EPHB1: variants seen among roughly 807,000 people sequenced by gnomAD.
EPHB1 encodes the protein ephrin type-B receptor 1.
A neutral mutation model predicts 94.4 loss-of-function variants in EPHB1; 30 were observed. The observed-to-expected ratio is 0.32, with a 90% confidence interval of 0.24 to 0.43. The LOEUF (loss-of-function observed/expected upper bound fraction) is 0.43. Among genes scored for constraint, EPHB1 ranks in the 20% least tolerant of loss-of-function variants. The pLI is 1.00. For synonymous variants in EPHB1, 522 were observed against 489.1 expected (o/e 1.07, Z -0.89); for missense variants, 1,055 against 1,308.3 (o/e 0.81, Z 2.99).
At chr3:134,827,845 G>A (rs916737870) in intron 1 of EPHB1, among the ~76,000 whole-genome samples, 1 of 152,118 alleles carries the variant, frequency 6.6e-6, no homozygotes, top group African/African-American at 2.4e-5. Context: ...GGCAGAAACC[G>A]ACCTGCAAAG....
chr3:134,901,324 A>G (rs979673926), intron 1 of EPHB1, among the ~76,000 whole-genome samples: 9 of 152,174 alleles, frequency 5.9e-5, no homozygotes, highest in African/African-American at 2.2e-4. Flanking sequence ...TTGTCTCTTA[A>G]AAGACTCCTT....
intron 3 of EPHB1, chr3:135,067,709 T>C (rs1480651664): frequency 6.6e-6 from 1 of 152,322 alleles, no homozygotes; most frequent in Non-Finnish European, 1.5e-5. Flanking sequence ...AGGAGGCTTC[T>C]GAACAAGTTC....
intron 1 of EPHB1, among the ~76,000 whole-genome samples, chr3:134,832,139 T>G (rs1195060243): frequency 6.6e-6 from 1 of 152,258 alleles, no homozygotes; most frequent in African/African-American, 2.4e-5. Flanking sequence ...ATGCGGTATT[T>G]GAGGCATACT....
chr3:135,244,244 A>G (rs141504853), intron 13 of EPHB1, among the ~76,000 whole-genome samples: 2 of 152,294 alleles, frequency 1.3e-5, no homozygotes, highest in East Asian at 3.9e-4. Flanking sequence ...CTGCCTCTTT[A>G]ATTAGATCCC....
intron 3 of EPHB1, among the ~76,000 whole-genome samples, chr3:134,989,179 C>T (rs1934704269): frequency 6.6e-6 from 1 of 152,138 alleles, no homozygotes; most frequent in Admixed American, 6.5e-5. Context: ...TCACAGGTGA[C>T]ATAAATCAGA....
At chr3:135,051,757 A>T (rs867734833) in intron 3 of EPHB1, among the ~76,000 whole-genome samples, 2 of 152,306 alleles carry the variant, frequency 1.3e-5, no homozygotes, top group Middle Eastern at 6.8e-3. Flanking sequence ...TTCACGTTCC[A>T]TGCCTCCTGT....
chr3:135,253,821 A>G (rs1321336063), intron 15 of EPHB1, among the ~76,000 whole-genome samples: 4 of 152,006 alleles, frequency 2.6e-5, no homozygotes, highest in Admixed American at 2.0e-4. Flanking sequence ...CCATTTTCAC[A>G]ATATTGATTC....
At chr3:135,186,130 C>G (rs932339504) in intron 10 of EPHB1, among the ~76,000 whole-genome samples, 1 of 152,168 alleles carries the variant, frequency 6.6e-6, no homozygotes, top group South Asian at 2.1e-4. Context: ...GATATATACA[C>G]TCATATGTGA....
intron 1 of EPHB1, among the ~76,000 whole-genome samples, chr3:134,893,539 C>T (rs547204344): frequency 2.6e-5 from 4 of 152,260 alleles, no homozygotes; most frequent in African/African-American, 4.8e-5. Flanking sequence ...TGCACTTGCT[C>T]GGAAGTGAGG....
chr3:135,099,756 A>G (rs959340872), intron 3 of EPHB1, among the ~76,000 whole-genome samples: 16 of 152,204 alleles, frequency 1.1e-4, no homozygotes, highest in African/African-American at 3.1e-4. Context: ...ACCCACAGGA[A>G]TTTCTTGCCC....
At chr3:135,106,745 A>G in intron 4 of EPHB1, 142 bp downstream of exon 4, 1 of 1,054,510 alleles carries the variant, frequency 9.5e-7, no homozygotes, top group Non-Finnish European at 1.4e-6. Flanking sequence ...GAAACATACA[A>G]CTCCTATGCT....
At chr3:134,905,217 T>C (rs2038293517) in intron 1 of EPHB1, among the ~76,000 whole-genome samples, 1 of 152,168 alleles carries the variant, frequency 6.6e-6, no homozygotes, top group South Asian at 2.1e-4. Context: ...ACACTGGGGA[T>C]CAGCCTTCCT....
chr3:134,909,120 G>GGT (rs1553864851), intron 1 of EPHB1, among the ~76,000 whole-genome samples: 3 of 110,574 alleles, frequency 2.7e-5, no homozygotes, highest in Admixed American at 1.1e-4. Context: ...GGGGGCGGGG[G>GGT]GCGGGCTGGA....
At chr3:135,007,519 T>C (rs1432190852) in intron 3 of EPHB1, among the ~76,000 whole-genome samples, 4 of 152,142 alleles carry the variant, frequency 2.6e-5, no homozygotes, top group African/African-American at 9.7e-5. Flanking sequence ...TCCATAACAA[T>C]ACAGAACTCT....
At position 135,154,071 on chromosome 3, in the gene EPHB1, T is replaced by A. The variant is rs906262641; in HGVS notation, c.1298-81T>A. 3 of 1,568,016 alleles carry A rather than the reference T, an allele frequency of 1.9e-6. No homozygotes were observed. The African/African-American group carries it at 4.1e-5, about 21-fold the overall frequency. ...GAGTTCAAGCCGAATGCCATTTTTC[T>A]CCCTACGTACCTCTGGAAGATGGCC... On this transcript the variant is annotated intron_variant, in intron 5 of 15. Transcript: ENST00000398015.
At chr3:134,863,680 C>T (rs533556725) in intron 1 of EPHB1, among the ~76,000 whole-genome samples, 19 of 152,192 alleles carry the variant, frequency 1.2e-4, no homozygotes, top group Non-Finnish European at 2.6e-4. Context: ...TTCATTTGCT[C>T]TTTCACCACA....
intron 2 of EPHB1, among the ~76,000 whole-genome samples, chr3:134,926,528 C>A (rs1312020231): frequency 6.6e-6 from 1 of 152,044 alleles, no homozygotes; most frequent in Non-Finnish European, 1.5e-5. Context: ...GTAAAGAGAG[C>A]CTGGAAAGAC....
At chr3:135,198,363 T>C (rs550558226) in intron 11 of EPHB1, among the ~76,000 whole-genome samples, 1 of 152,246 alleles carries the variant, frequency 6.6e-6, no homozygotes, top group African/African-American at 2.4e-5. Context: ...TCTTGCCTAC[T>C]GCACAGGACT....
intron 3 of EPHB1, among the ~76,000 whole-genome samples, chr3:135,006,281 C>T (rs1935407100): frequency 6.6e-6 from 1 of 152,138 alleles, no homozygotes; most frequent in African/African-American, 2.4e-5. Context: ...GAAGAAGAGG[C>T]AAATTCATAG....
Sources: allele counts gnomAD v4.1 joint callset (sites outside exome capture counted in the v4.1 genomes callset), GRCh38; gene constraint gnomAD v4.1.1; transcripts MANE v1.5; gene names NCBI Gene and HGNC (gene_info 2026-07-23, HGNC 2026-07-21).